The following NEDD1 variants were observed in gnomAD, a reference collection of about 807,000 sequenced individuals.
NEDD1 encodes NEDD1 gamma-tubulin ring complex targeting factor.
In NEDD1, 33 loss-of-function variants were observed where a neutral mutation model predicts 74.0. The ratio of observed to expected loss-of-function variants is 0.45; its 90% confidence interval spans 0.34 to 0.60. NEDD1 has a LOEUF of 0.60. Ranked by LOEUF, NEDD1 falls within the 20% of genes least tolerant of loss-of-function variation. NEDD1 has a pLI of 0.01. For missense variants in NEDD1, 746 were observed against 776.5 expected (o/e 0.96, Z 0.47); for synonymous variants, 250 against 264.4 (o/e 0.95, Z 0.53).
intron 14 of NEDD1, 78 bp downstream of exon 14, chr12:96,945,927 A>G: frequency 1.2e-6 from 1 of 852,772 alleles, no homozygotes; most frequent in African/African-American, 1.7e-5. Flanking sequence ...ACTATAGATA[A>G]TGTTGTTGGT....
intron 4 of NEDD1, among the ~76,000 whole-genome samples, chr12:96,914,778 G>A (rs1874271978): frequency 6.6e-6 from 1 of 152,056 alleles, no homozygotes; most frequent in African/African-American, 2.4e-5. Context: ...CTTGCACCTT[G>A]AGCAGTTCAG....
chr12:96,946,557 T>A (rs1878218117), intron 14 of NEDD1, among the ~76,000 whole-genome samples: 3 of 152,196 alleles, frequency 2.0e-5, no homozygotes, highest in South Asian at 2.1e-4. Context: ...ACTTTTAAAA[T>A]ATATTTTTAA....
chr12:96,907,680 A>C lies in NEDD1; in HGVS notation c.-185A>C. ...GTAAAGTGTATTTTTGGTGATTGAAAGTTGGAGAACTTTCATTTCAGCTGA... is the reference window on the plus strand; with the variant it reads ...GTAAAGTGTATTTTTGGTGATTGAACGTTGGAGAACTTTCATTTCAGCTGA... On this transcript the variant is annotated 5_prime_UTR_variant, in exon 2 of 16. Transcript: ENST00000266742. 1 of 1,551,340 alleles carries C rather than the reference A, an allele frequency of 6.4e-7. No individual in the cohort carries two copies. The highest frequency in any genetic ancestry group is 8.7e-7 in the Non-Finnish European group (1 of 1,146,818).
At chr12:96,917,466 C>T (rs536808331) in intron 4 of NEDD1, among the ~76,000 whole-genome samples, 155 bp from the exon 5 acceptor site, 8 of 152,214 alleles carry the variant, frequency 5.3e-5, no homozygotes, top group Non-Finnish European at 5.9e-5. Flanking sequence ...GGAAGAAAGA[C>T]GATGAGAGAG....
intron 4 of NEDD1, among the ~76,000 whole-genome samples, chr12:96,915,034 T>C (rs1874296072): frequency 6.6e-6 from 1 of 152,256 alleles, no homozygotes. Context: ...CAAACTGTCC[T>C]GATTTGCAGT....
chr12:96,939,242 T>G (rs1877424753), intron 9 of NEDD1, among the ~76,000 whole-genome samples: 1 of 152,080 alleles, frequency 6.6e-6, no homozygotes, highest in Admixed American at 6.6e-5. Context: ...AATCACCATT[T>G]AAGAAGAAAA....
At chr12:96,927,171 A>T (rs962554218) in intron 6 of NEDD1, among the ~76,000 whole-genome samples, 5 of 152,136 alleles carry the variant, frequency 3.3e-5, no homozygotes, top group African/African-American at 1.2e-4. Flanking sequence ...TAAATTAAAA[A>T]TTTTTCTACT....
intron 4 of NEDD1, among the ~76,000 whole-genome samples, chr12:96,914,150 A>G (rs1235387045): frequency 6.6e-6 from 1 of 152,210 alleles, no homozygotes; most frequent in Non-Finnish European, 1.5e-5. Context: ...GGCAGACTGA[A>G]GTCTTCAAGA....
intron 4 of NEDD1, among the ~76,000 whole-genome samples, chr12:96,916,230 T>TTTATTA (rs140210892): frequency 0.17 from 24,922 of 145,248 alleles, 2,287 homozygotes; most frequent in Middle Eastern, 0.22. Flanking sequence ...CCGTTGAAGA[T>TTTATTA]TTATTATTAT....
intron 6 of NEDD1, among the ~76,000 whole-genome samples, chr12:96,931,762 T>G (rs1057286658): frequency 6.6e-6 from 1 of 151,800 alleles, no homozygotes; most frequent in Non-Finnish European, 1.5e-5. Flanking sequence ...TGAAGTATGA[T>G]TCCAGGTTTT....
chr12:96,945,859 G>C lies in NEDD1; in HGVS notation c.1811+10G>C, dbSNP rs374351119. ...CGTTGGATGACTTTAGGTAGTAATT[G>C]AGAAACTACTCCTTCTATCTAGACC... On this transcript the variant is annotated intron_variant, in intron 14 of 15. Transcript: ENST00000266742. 1.9e-5 allele frequency: 30 copies of C among 1,564,218 alleles called. No homozygotes were observed. In the African/African-American group the frequency reaches 4.1e-4, roughly 21 times the overall value.
chr12:96,910,759 A>G (rs1031608189), intron 3 of NEDD1, among the ~76,000 whole-genome samples: 5 of 152,208 alleles, frequency 3.3e-5, no homozygotes, highest in Admixed American at 2.6e-4. Context: ...CAGTGCTCCT[A>G]TCACCTTTTA....
intron 8 of NEDD1, 46 bp downstream of exon 8, chr12:96,936,858 T>A: frequency 1.7e-6 from 2 of 1,169,658 alleles, no homozygotes; most frequent in Non-Finnish European, 2.5e-6. Flanking sequence ...TAAATAAATC[T>A]AACTCAGAAT....
rs1206128191 is a variant in NEDD1, at chr12:96,953,389, T to TA, written c.*1337dup. ...TATAGCATACATTTGTACTGAAGCA[T>TA]ATAGGGATGTTAATGTGATCTTTTC... On this transcript the variant is annotated 3_prime_UTR_variant, in exon 16 of 16. Coordinates refer to ENST00000266742, the MANE Select transcript of NEDD1 (RefSeq NM_152905.4). 1 of 151,730 alleles carries TA rather than the reference T, an allele frequency of 6.6e-6. No homozygotes were observed. Among genetic ancestry groups the TA allele is most frequent in the Non-Finnish European group, 1.5e-5 (1 of 67,740 alleles). 9.4% of individuals were successfully genotyped at this position (151,730 alleles called of 1,614,324 possible).
Position 96,936,766 on chromosome 12 carries a change from C to CATCT in NEDD1, c.876_879dup (p.Val294IlefsTer15), listed in dbSNP as rs1877143840. ...GTTAAGACCATCAGTGCTCACAAGA[C>CATCT]ATCTGTGCAGTGTATAGCATTTCAG... On this transcript the variant is annotated frameshift_variant, in exon 8 of 16. Coordinates refer to ENST00000266742, the MANE Select transcript of NEDD1 (RefSeq NM_152905.4). LOFTEE classifies it high-confidence loss of function. 1 of 1,612,350 alleles carries CATCT rather than the reference C, an allele frequency of 6.2e-7. No homozygotes were observed. The highest frequency in any genetic ancestry group is 8.5e-7 in the Non-Finnish European group (1 of 1,178,592).
intron 6 of NEDD1, among the ~76,000 whole-genome samples, chr12:96,929,054 A>T (rs1876051111): frequency 6.6e-6 from 1 of 151,870 alleles, no homozygotes; most frequent in Admixed American, 6.6e-5. Flanking sequence ...TTCTTAAATT[A>T]TAATTTTTAG....
intron 2 of NEDD1, among the ~76,000 whole-genome samples, chr12:96,908,565 T>A (rs796627409): frequency 1.9e-4 from 29 of 152,366 alleles, no homozygotes; most frequent in African/African-American, 5.5e-4. Flanking sequence ...TTCTGTTTTC[T>A]AGACTTCCTT....
intron 6 of NEDD1, among the ~76,000 whole-genome samples, chr12:96,930,211 ACTCTCTCTCTCTCTCT>A (rs143562580): frequency 3.4e-5 from 3 of 89,242 alleles, no homozygotes; most frequent in African/African-American, 1.6e-4. Flanking sequence ...ACACACACAC[ACTCTCTCTCTCTCTCT>A]CTCTCTCTCT....
chr12:96,913,349 T>C (rs1874116172), intron 4 of NEDD1, among the ~76,000 whole-genome samples: 1 of 151,854 alleles, frequency 6.6e-6, no homozygotes, highest in South Asian at 2.1e-4. Flanking sequence ...TAAATGAAGC[T>C]CTCACTACGT....
Sources: allele counts gnomAD v4.1 joint callset (sites outside exome capture counted in the v4.1 genomes callset), GRCh38; gene constraint gnomAD v4.1.1; transcripts MANE v1.5; gene names NCBI Gene and HGNC (gene_info 2026-07-23, HGNC 2026-07-21).